The following PIK3CA variants were observed in gnomAD, a reference collection of about 807,000 sequenced individuals.
PIK3CA encodes the protein phosphatidylinositol 4,5-bisphosphate 3-kinase catalytic subunit alpha isoform.
A neutral mutation model predicts 138.2 loss-of-function variants in PIK3CA; 27 were observed. The ratio of observed to expected loss-of-function variants is 0.20; its 90% CI spans 0.14 to 0.27. The LOEUF (loss-of-function observed/expected upper bound fraction) is 0.27, where lower values mean the gene tolerates loss of function less well. Ranked by LOEUF, PIK3CA falls within the 10% of genes least tolerant of loss-of-function variation. The pLI, the probability that PIK3CA is intolerant of heterozygous loss-of-function variation, is 1.00. For synonymous variants in PIK3CA, 358 were observed against 413.2 expected (o/e 0.87, Z 1.62); for missense variants, 544 against 1,277.4 (o/e 0.43, Z 8.75).
chr3:179,176,561 A>G (rs963895021), intron 1 of PIK3CA, among the ~76,000 whole-genome samples: 4 of 139,922 alleles, frequency 2.9e-5, no homozygotes, highest in African/African-American at 9.0e-5. Flanking sequence ...AGTGTATTCT[A>G]CCCCTTTTTT....
At chr3:179,170,076 G>GCACACACACA (rs60084117) in intron 1 of PIK3CA, among the ~76,000 whole-genome samples, 67 of 139,288 alleles carry the variant, frequency 4.8e-4, no homozygotes, top group East Asian at 9.9e-4. Context: ...ACGCGCGCGC[G>GCACACACACA]CACACACACA....
Position 179,238,720 on chromosome 3 carries a change from CTCT to C in PIK3CA, c.*4362_*4364del, listed in dbSNP as rs1415024229. 8.8e-6 allele frequency: 2 copies of C among 226,974 alleles called. No individual in the cohort carries two copies. The highest frequency in any genetic ancestry group is 2.2e-5 in the African/African-American group (1 of 44,990). The allele number at this position is 226,974 out of a possible 1,614,324, so 14.1% of individuals were successfully genotyped here. ...CGGCATTTGAAATTCATTTTGTTCT[CTCT>C]TCTTCATTATTAGTGCATTTGGTGT... is the stretch of plus-strand genomic sequence containing the variant. On this transcript the variant is annotated 3_prime_UTR_variant, in exon 21 of 21. Transcript: ENST00000263967.
Position 179,167,687 on chromosome 3 carries a change from G to A in PIK3CA, c.-77+19084G>A, listed in dbSNP as rs1456916025. ...ATGTTTCACTTTACAACCAAGTAGA[G>A]TGCTACAGTTGGATTTCTTTCTCTG... On this transcript the variant is annotated intron_variant, in intron 1 of 20. Transcript: ENST00000263967. 5.9e-5 allele frequency among the ~76,000 whole-genome samples: 9 copies of A among 152,130 alleles called. No homozygotes were observed. In the South Asian group the frequency reaches 6.2e-4, roughly 11 times the overall value.
chr3:179,206,297 ATCCC>A (rs1560140579), intron 6 of PIK3CA, among the ~76,000 whole-genome samples: 2 of 151,818 alleles, frequency 1.3e-5, no homozygotes, highest in African/African-American at 2.4e-5. Context: ...ACCTCAGGTG[ATCCC>A]ACCCACCTTG....
intron 1 of PIK3CA, among the ~76,000 whole-genome samples, chr3:179,196,129 T>G (rs1724260129): frequency 6.6e-6 from 1 of 152,206 alleles, no homozygotes; most frequent in Non-Finnish European, 1.5e-5. Flanking sequence ...CTATAGTAAC[T>G]AGGTTTCTTT....
At chr3:179,188,290 G>A (rs1330315067) in intron 1 of PIK3CA, among the ~76,000 whole-genome samples, 1 of 152,176 alleles carries the variant, frequency 6.6e-6, no homozygotes, top group Non-Finnish European at 1.5e-5. Flanking sequence ...CTCTCTTTGT[G>A]GTTTGATTAG....
chr3:179,191,233 A>AGT (rs1724127518), intron 1 of PIK3CA, among the ~76,000 whole-genome samples: 3 of 152,206 alleles, frequency 2.0e-5, no homozygotes. Flanking sequence ...ATCATGTCAA[A>AGT]GTGTCATACT....
chr3:179,187,876 A>G (rs984291884), intron 1 of PIK3CA, among the ~76,000 whole-genome samples: 1 of 152,028 alleles, frequency 6.6e-6, no homozygotes, highest in Admixed American at 6.5e-5. Flanking sequence ...TGACCTTGTG[A>G]TCCGCCCGCC....
chr3:179,168,661 CTGTCTTTT>C (rs1238899624), intron 1 of PIK3CA, among the ~76,000 whole-genome samples: 6 of 151,970 alleles, frequency 3.9e-5, no homozygotes, highest in African/African-American at 1.4e-4. Context: ...TTCATTATGT[CTGTCTTTT>C]TGCTCTATGT....
In PIK3CA at chr3:179,218,270, A is replaced by G. The variant is rs1466575763; in HGVS notation, c.1600A>G (p.Ile534Val). The G allele has an allele frequency of 6.2e-7, 1 of 1,611,534 alleles. No individual in the cohort carries two copies. The highest frequency in any genetic ancestry group is 2.2e-5 in the East Asian group (1 of 44,720). ...AAATGACAAAGAACAGCTCAAAGCA[A>G]TTTCTACACGAGATCCTCTCTCTGA... ...RENDKEQLKA[I>V]STRDPLSEIT... The change falls in exon 10 of 21, where the codon ATT (isoleucine) becomes GTT (valine). Residue 534 changes from isoleucine (I) to valine (V), a missense_variant. Around this residue, in one of 14 missense-constraint regions of PIK3CA, gnomAD observed 52 missense variants for 83.4 expected, o/e 0.62. Transcript: ENST00000263967.
chr3:179,157,925 C>T (rs1212969446), intron 1 of PIK3CA, among the ~76,000 whole-genome samples: 2 of 152,072 alleles, frequency 1.3e-5, no homozygotes, highest in African/African-American at 2.4e-5. Flanking sequence ...ACCTACATCA[C>T]AATGTTGTAA....
At chr3:179,192,342 A>C (rs1376748448) in intron 1 of PIK3CA, among the ~76,000 whole-genome samples, 1 of 152,242 alleles carries the variant, frequency 6.6e-6, no homozygotes. Context: ...TTTAGGAGTA[A>C]CTATGTTTAG....
chr3:179,207,118 A>C (rs994396200), intron 6 of PIK3CA, among the ~76,000 whole-genome samples: 4 of 152,184 alleles, frequency 2.6e-5, no homozygotes, highest in Non-Finnish European at 5.9e-5. Flanking sequence ...CAAAAATCAG[A>C]TAAATGAATA....
intron 1 of PIK3CA, among the ~76,000 whole-genome samples, chr3:179,158,601 A>G (rs1487892470): frequency 6.6e-6 from 1 of 152,074 alleles, no homozygotes; most frequent in East Asian, 1.9e-4. Context: ...AGCTGCTTGT[A>G]TCTTGTTTGT....
chr3:179,200,015 C>A, intron 3 of PIK3CA, 116 bp downstream of exon 3: 2 of 610,540 alleles, frequency 3.3e-6, no homozygotes, highest in Non-Finnish European at 2.8e-6. Context: ...TTCTTGAAGG[C>A]AGGGACTGCT....
chr3:179,158,802 A>C (rs1723203378), intron 1 of PIK3CA, among the ~76,000 whole-genome samples: 1 of 152,104 alleles, frequency 6.6e-6, no homozygotes, highest in Non-Finnish European at 1.5e-5. Flanking sequence ...TTAATTACCA[A>C]ACAGCTATGT....
At chr3:179,212,283 C>G (rs1724733261) in intron 9 of PIK3CA, among the ~76,000 whole-genome samples, 1 of 148,264 alleles carries the variant, frequency 6.7e-6, no homozygotes, top group Non-Finnish European at 1.5e-5. Flanking sequence ...GCTGGGATTA[C>G]AGGCGTGAGC....
intron 9 of PIK3CA, among the ~76,000 whole-genome samples, chr3:179,217,209 C>G (rs1452511151): frequency 2.6e-5 from 4 of 152,108 alleles, no homozygotes; most frequent in African/African-American, 4.8e-5. Flanking sequence ...GATAAAGGTT[C>G]CTTCTTGTTA....
intron 17 of PIK3CA, 97 bp from the exon 18 acceptor site, chr3:179,229,175 C>T (rs1339341853): frequency 1.1e-5 from 10 of 947,842 alleles, no homozygotes; most frequent in Non-Finnish European, 1.4e-5. Context: ...TCATGCATGA[C>T]AAATTTACTA....
Sources: gnomAD v4.1 joint callset for allele counts (sites outside exome capture counted in the v4.1 genomes callset) on GRCh38, gnomAD v4.1.1 for gene constraint, gnomAD v4.1.1 regional missense constraint, MANE v1.5 for transcripts, NCBI Gene and HGNC (gene_info 2026-07-23, HGNC 2026-07-21) for gene names.